The following PHF20 variants were observed in gnomAD, a reference collection of about 807,000 sequenced individuals.
PHF20 encodes glioma-expressed antigen 2.
PHF20 carries 23 observed loss-of-function variants against 113.5 expected under a neutral mutation model. The ratio of observed to expected loss-of-function variants is 0.20; its 90% CI spans 0.15 to 0.29. PHF20 has a LOEUF of 0.29. PHF20 is among the 10% of genes least tolerant of loss of function. The probability of loss-of-function intolerance (pLI) is 1.00; values close to 1 mark genes in which losing one functional copy is unlikely to be tolerated. For synonymous variants in PHF20, 434 were observed against 457.3 expected (o/e 0.95, Z 0.65); for missense variants, 943 against 1,219.6 (o/e 0.77, Z 3.38).
At chr20:35,907,652 T>A (rs1166022666) in intron 10 of PHF20, among the ~76,000 whole-genome samples, 1 of 152,192 alleles carries the variant, frequency 6.6e-6, no homozygotes, top group African/African-American at 2.4e-5. Flanking sequence ...CCCTCTGAGG[T>A]GGGTGCTGTT....
At chr20:35,811,533 C>T (rs1292749462) in intron 2 of PHF20, among the ~76,000 whole-genome samples, 1 of 151,630 alleles carries the variant, frequency 6.6e-6, no homozygotes, top group African/African-American at 2.4e-5. Context: ...ACCTCTGCCT[C>T]CCTGGTACAA....
At chr20:35,817,212 A>T (rs112452215) in intron 2 of PHF20, among the ~76,000 whole-genome samples, 7,249 of 151,368 alleles carry the variant, frequency 0.048, 211 homozygotes, top group African/African-American at 0.089. Context: ...TTTGAGACAG[A>T]GTCTCATTCT....
chr20:35,853,308 G>C (rs748492375), intron 4 of PHF20: 1 of 151,904 alleles, frequency 6.6e-6, no homozygotes, highest in Non-Finnish European at 1.5e-5. Flanking sequence ...CAACAAGTTC[G>C]ATCTGTAACT....
chr20:35,949,935 CT>C lies in PHF20; in HGVS notation c.*2309del, dbSNP rs1176150649. 1 of 152,388 alleles carries C rather than the reference CT, an allele frequency of 6.6e-6. No individual in the cohort carries two copies. The highest frequency in any genetic ancestry group is 1.5e-5 in the Non-Finnish European group (1 of 68,126). The allele number at this position is 152,388 out of a possible 1,614,324, so 9.4% of individuals were successfully genotyped here. On this transcript the variant is annotated 3_prime_UTR_variant, in exon 18 of 18. Coordinates refer to ENST00000374012, the MANE Select transcript of PHF20 (RefSeq NM_016436.5). ...GGGCGTGGTGGCGGACGCCTGTAAT[CT>C]CAGCTACTTGGGAGGCTGAAGCAGG...
At chr20:35,876,261 CT>C (rs2054519228) in intron 9 of PHF20, among the ~76,000 whole-genome samples, 1 of 151,618 alleles carries the variant, frequency 6.6e-6, no homozygotes, top group African/African-American at 2.4e-5. Flanking sequence ...TTGCTTTTTG[CT>C]TTAGTGACTT....
chr20:35,795,127 G>A (rs969130116), intron 1 of PHF20, among the ~76,000 whole-genome samples: 5 of 151,456 alleles, frequency 3.3e-5, no homozygotes, highest in Non-Finnish European at 7.4e-5. Context: ...GGGAGGAGGA[G>A]GTTGCAGTGA....
intron 4 of PHF20, chr20:35,849,269 A>T (rs1210339050): frequency 2.8e-6 from 1 of 358,720 alleles, no homozygotes; most frequent in African/African-American, 2.1e-5. Flanking sequence ...TGATTCAGAG[A>T]TGAAGATAAT....
intron 1 of PHF20, among the ~76,000 whole-genome samples, chr20:35,791,070 G>A (rs376008191): frequency 1.3e-5 from 2 of 152,146 alleles, no homozygotes; most frequent in South Asian, 2.1e-4. Context: ...TGTTGGCCAG[G>A]CTGGTCTTGA....
At chr20:35,810,450 C>T (rs886258502) in intron 2 of PHF20, among the ~76,000 whole-genome samples, 2 of 152,098 alleles carry the variant, frequency 1.3e-5, no homozygotes, top group African/African-American at 4.8e-5. Context: ...ATGCACAAAC[C>T]AATCAGCATA....
In PHF20 at chr20:35,871,376, A is replaced by G. The variant is rs74434864; in HGVS notation, c.1102+242A>G. Among the ~76,000 whole-genome samples, 257 of 152,286 alleles carry G rather than the reference A, an allele frequency of 1.7e-3. No homozygotes were observed. Among genetic ancestry groups the G allele is most frequent in the Non-Finnish European group, 2.7e-3 (187 of 68,024 alleles). On this transcript the variant is annotated intron_variant, in intron 8 of 17. Coordinates refer to ENST00000374012, the MANE Select transcript of PHF20 (RefSeq NM_016436.5). ...CCGTTCAGTGTTGGCCTGGAGGTACACTGTTCGAAGAGCCCTGCTTCTCTC... is the reference window on the plus strand; with the variant it reads ...CCGTTCAGTGTTGGCCTGGAGGTACGCTGTTCGAAGAGCCCTGCTTCTCTC...
chr20:35,945,253 G>C lies in PHF20; in HGVS notation c.2897-2232G>C, dbSNP rs567041804. ...GGCTTGCCACATTTCAGACACAGGT[G>C]AGTGTTAGGGATATAGTGGCAAGCA... On this transcript the variant is annotated intron_variant, in intron 17 of 17. Transcript: ENST00000374012. Among the ~76,000 whole-genome samples, 3 of 152,262 alleles carry C rather than the reference G, an allele frequency of 2.0e-5. No individual in the cohort carries two copies. In the East Asian group the frequency reaches 5.8e-4, roughly 29 times the overall value.
At chr20:35,782,248 C>G (rs1303405077) in intron 1 of PHF20, 1 of 140,706 alleles carries the variant, frequency 7.1e-6, no homozygotes, top group African/African-American at 2.6e-5. Flanking sequence ...GGCCACTTTT[C>G]TTTTTCTTGT....
At chr20:35,822,264 G>A (rs2042181903) in intron 2 of PHF20, among the ~76,000 whole-genome samples, 1 of 151,774 alleles carries the variant, frequency 6.6e-6, no homozygotes, top group Non-Finnish European at 1.5e-5. Flanking sequence ...AAAACCCCAA[G>A]AAACCTAGCT....
Position 35,927,819 on chromosome 20 carries a change from G to A in PHF20, c.2044G>A (p.Gly682Arg). 6.2e-7 allele frequency: 1 copy of A among 1,614,042 alleles called. No homozygotes were observed. Among genetic ancestry groups the A allele is most frequent in the Non-Finnish European group, 8.5e-7 (1 of 1,179,924 alleles). Residue 682 changes from glycine to arginine, a missense_variant, in exon 14 of 18, where the codon GGA becomes AGA. Physicochemically the swap from Gly to Arg is moderately radical, Grantham distance 125. This residue lies in a region of PHF20 where 349 missense variants were observed against 412.3 expected (regional missense o/e 0.85). Transcript: ENST00000374012. The stretch of plus-strand genomic sequence containing the variant: ...GTGCTGGCAGCATGGGGTCTGCATG[G>A]GATTACTGGAAGAAAATGTGCCCGA... ...CQCWQHGVCM[G>R]LLEENVPEKY... is the part of the protein sequence containing the mutation.
chr20:35,947,827 T>A lies in PHF20; in HGVS notation c.*200T>A. On this transcript the variant is annotated 3_prime_UTR_variant, in exon 18 of 18. Transcript: ENST00000374012. ...GACACTCTGATCTCGAAGCCTGCCA[T>A]AAAGGTAGCAAATAGACTCTTGGGA... The A allele has an allele frequency of 1.8e-6, 1 of 560,052 alleles. No homozygotes were observed. The highest frequency in any genetic ancestry group is 4.8e-4 in the Middle Eastern group (1 of 2,082). 34.7% of individuals were successfully genotyped at this position (560,052 alleles called of 1,614,324 possible).
chr20:35,864,680 G>C (rs2054283145), intron 6 of PHF20, among the ~76,000 whole-genome samples: 1 of 152,072 alleles, frequency 6.6e-6, no homozygotes, highest in African/African-American at 2.4e-5. Context: ...TTTCCCTGTA[G>C]TGCTTGTAAC....
chr20:35,941,162 T>C (rs1023161555), intron 17 of PHF20, 115 bp downstream of exon 17: 4 of 758,578 alleles, frequency 5.3e-6, no homozygotes, highest in Non-Finnish European at 8.4e-6. Context: ...TCTTTGCTTC[T>C]CTTCTTTTCA....
At chr20:35,847,027 C>A (rs1157375019) in intron 3 of PHF20, among the ~76,000 whole-genome samples, 2 of 152,096 alleles carry the variant, frequency 1.3e-5, no homozygotes, top group Non-Finnish European at 2.9e-5. Flanking sequence ...TGAATCCATT[C>A]CCAGGAGAGC....
chr20:35,780,283 TG>T (rs1457552452), intron 1 of PHF20, among the ~76,000 whole-genome samples: 3 of 147,072 alleles, frequency 2.0e-5, no homozygotes, highest in African/African-American at 7.6e-5. Context: ...TGGAGTGCAG[TG>T]GCACAATCTC....
Sources: allele counts gnomAD v4.1 joint callset (sites outside exome capture counted in the v4.1 genomes callset), GRCh38; gene constraint gnomAD v4.1.1; regional missense constraint gnomAD v4.1.1; transcripts MANE v1.5; gene names NCBI Gene and HGNC (gene_info 2026-07-23, HGNC 2026-07-21).